FRMD4A: variants seen among roughly 807,000 people sequenced by gnomAD.
The protein encoded by FRMD4A is FERM domain-containing protein 4A.
In FRMD4A, 29 loss-of-function variants were observed where a neutral mutation model predicts 129.1. That is an observed-to-expected ratio of 0.22 (90% CI 0.17 to 0.31). The LOEUF (loss-of-function observed/expected upper bound fraction) is 0.31. Among genes scored for constraint, FRMD4A ranks in the 10% least tolerant of loss-of-function variants. FRMD4A has a pLI of 1.00. For missense variants in FRMD4A, 1,272 were observed against 1,375.8 expected, an observed-to-expected ratio of 0.92 and a Z score of 1.19; for synonymous variants, 634 against 571.6, an observed-to-expected ratio of 1.11 and a Z score of -1.56.
intron 2 of FRMD4A, among the ~76,000 whole-genome samples, chr10:14,306,844 T>C (rs1483354907): frequency 1.3e-5 from 2 of 152,356 alleles, no homozygotes; most frequent in Non-Finnish European, 1.5e-5. Flanking sequence ...TTTTACTTTA[T>C]ATATTCGAAA....
chr10:13,688,835 A>G (rs891707194), intron 15 of FRMD4A, among the ~76,000 whole-genome samples: 2 of 152,124 alleles, frequency 1.3e-5, no homozygotes, highest in African/African-American at 2.4e-5. Context: ...CTCCTGCCTC[A>G]GCCTCCCAAG....
intron 9 of FRMD4A, 36 bp from the exon 10 acceptor site, chr10:13,740,613 C>G: frequency 9.1e-7 from 1 of 1,102,410 alleles, no homozygotes; most frequent in Non-Finnish European, 1.4e-6. Flanking sequence ...TTGTTGGAGT[C>G]TCTAGGTCAA....
chr10:14,034,049 C>T (rs532677426), intron 2 of FRMD4A, among the ~76,000 whole-genome samples: 4 of 152,268 alleles, frequency 2.6e-5, no homozygotes, highest in East Asian at 3.9e-4. Flanking sequence ...GAGCTAAACA[C>T]GGGTCCACTA....
At chr10:14,121,875 C>T (rs1838542088) in intron 2 of FRMD4A, among the ~76,000 whole-genome samples, 1 of 152,198 alleles carries the variant, frequency 6.6e-6, no homozygotes, top group Non-Finnish European at 1.5e-5. Flanking sequence ...ACTTACACTC[C>T]TCATGCCTCC....
intron 2 of FRMD4A, among the ~76,000 whole-genome samples, chr10:14,267,784 A>T (rs955300856): frequency 1.3e-5 from 2 of 152,192 alleles, no homozygotes; most frequent in East Asian, 3.8e-4. Context: ...GGAGAATATC[A>T]CTTAGCTTTG....
At position 14,330,159 on chromosome 10, in the gene FRMD4A, G is replaced by C; in HGVS notation, c.-57C>G. 2 of 1,532,668 alleles carry C rather than the reference G, an allele frequency of 1.3e-6. No individual in the cohort carries two copies. The highest frequency in any genetic ancestry group is 1.8e-6 in the Non-Finnish European group (2 of 1,131,386). The allele number at this position is 1,532,668 out of a possible 1,614,324, so 94.9% of individuals were successfully genotyped here. On this transcript the variant is annotated 5_prime_UTR_variant, in exon 2 of 25. Transcript: ENST00000357447. Reference sequence around the variant, plus strand: ...CCGAGTCAGTCCTCCTGGGCCCCGGGTGGCTACAGAGCATCCAAAAGCACC... The same window carrying C: ...CCGAGTCAGTCCTCCTGGGCCCCGGCTGGCTACAGAGCATCCAAAAGCACC...
intron 14 of FRMD4A, among the ~76,000 whole-genome samples, chr10:13,697,477 A>G (rs2086336776): frequency 6.6e-6 from 1 of 152,104 alleles, no homozygotes; most frequent in Admixed American, 6.6e-5. Context: ...AAAATATCAC[A>G]GCGACCTAAC....
chr10:13,713,357 G>C (rs1387808908), intron 12 of FRMD4A, among the ~76,000 whole-genome samples: 1 of 152,100 alleles, frequency 6.6e-6, no homozygotes, highest in Non-Finnish European at 1.5e-5. Context: ...ATGAAGCTCT[G>C]ACAATGAACG....
chr10:14,179,720 C>A (rs1199218934), intron 2 of FRMD4A, among the ~76,000 whole-genome samples: 7 of 152,194 alleles, frequency 4.6e-5, no homozygotes, highest in Non-Finnish European at 1.0e-4. Context: ...ATTGTTTTTA[C>A]ATGTGTTTGC....
At chr10:13,772,160 TATATA>T (rs921046835) in intron 6 of FRMD4A, among the ~76,000 whole-genome samples, 28 of 137,488 alleles carry the variant, frequency 2.0e-4, no homozygotes, top group Admixed American at 5.6e-4. Context: ...AGATATATAA[TATATA>T]ATATATTATA....
chr10:13,853,311 C>G (rs1473340704), intron 3 of FRMD4A, among the ~76,000 whole-genome samples: 2 of 152,170 alleles, frequency 1.3e-5, no homozygotes, highest in East Asian at 3.8e-4. Flanking sequence ...AAGGAAAGGA[C>G]CAAGGCAGGA....
chr10:13,802,197 T>C (rs1453868591), intron 4 of FRMD4A, among the ~76,000 whole-genome samples: 2 of 152,220 alleles, frequency 1.3e-5, no homozygotes, highest in African/African-American at 4.8e-5. Context: ...ATTTAAGATA[T>C]TGCTTTTAGC....
intron 2 of FRMD4A, among the ~76,000 whole-genome samples, chr10:14,090,722 G>T (rs1331173750): frequency 6.6e-6 from 1 of 152,168 alleles, no homozygotes; most frequent in African/African-American, 2.4e-5. Context: ...TTCCTAGCAT[G>T]GGTTCAGTAT....
intron 2 of FRMD4A, among the ~76,000 whole-genome samples, chr10:14,150,751 GC>G (rs1420133166): frequency 1.3e-5 from 2 of 152,060 alleles, no homozygotes; most frequent in Non-Finnish European, 2.9e-5. Flanking sequence ...TAGGAAACAC[GC>G]TTACAGCCAG....
chr10:13,804,430 G>A (rs941487917), intron 4 of FRMD4A, among the ~76,000 whole-genome samples: 7 of 152,190 alleles, frequency 4.6e-5, no homozygotes, highest in African/African-American at 1.4e-4. Flanking sequence ...AAACAAACGC[G>A]AGGACCTGAG....
intron 19 of FRMD4A, among the ~76,000 whole-genome samples, chr10:13,662,707 A>G (rs1393536467): frequency 6.6e-6 from 1 of 152,192 alleles, no homozygotes; most frequent in African/African-American, 2.4e-5. Flanking sequence ...CTGAGTGTGT[A>G]TCTACTGGGA....
intron 2 of FRMD4A, among the ~76,000 whole-genome samples, chr10:14,226,679 A>G (rs1375698762): frequency 6.6e-6 from 1 of 152,132 alleles, no homozygotes; most frequent in Non-Finnish European, 1.5e-5. Context: ...ACTCCAACAT[A>G]TAAATGTGAG....
rs768746476 is a variant in FRMD4A, at chr10:13,654,426, A to G, written c.3040T>C (p.Trp1014Arg). 6.3e-7 allele frequency: 1 copy of G among 1,592,150 alleles called. No individual in the cohort carries two copies. ...AGAAGGAGAACTCACCCAGTCTGCCAGGTTAGGATGTGGTGGGGGCTGCTT... is the reference window on the plus strand; with the variant it reads ...AGAAGGAGAACTCACCCAGTCTGCCGGGTTAGGATGTGGTGGGGGCTGCTT... ...PPSSPHHILT[W>R]QTGEATENSP... The change falls in exon 23 of 25, where the codon TGG (tryptophan) becomes CGG (arginine). Residue 1014 changes from tryptophan to arginine, a missense_variant. Transcript: ENST00000357447.
chr10:14,043,535 C>G (rs1438748916), intron 2 of FRMD4A, among the ~76,000 whole-genome samples: 2 of 152,148 alleles, frequency 1.3e-5, no homozygotes, highest in East Asian at 3.9e-4. Context: ...CCCTTCTCCC[C>G]TCTCCTGTCC....
Sources: allele counts gnomAD v4.1 joint callset (sites outside exome capture counted in the v4.1 genomes callset), GRCh38; gene constraint gnomAD v4.1.1; transcripts MANE v1.5; gene names NCBI Gene and HGNC (gene_info 2026-07-23, HGNC 2026-07-21).